NIPA1: variants seen among roughly 807,000 people sequenced by gnomAD.
NIPA1 encodes the protein NIPA magnesium transporter 1, also known as magnesium transporter NIPA1.
In NIPA1, 13 loss-of-function variants were observed where a neutral mutation model predicts 23.9. That is an observed-to-expected ratio of 0.54 (90% CI 0.35 to 0.87). The LOEUF (loss-of-function observed/expected upper bound fraction) is 0.87, where lower values mean the gene tolerates loss of function less well. Ranked by LOEUF, NIPA1 falls within the 40% of genes least tolerant of loss-of-function variation. The probability of loss-of-function intolerance (pLI) is 0.01; values close to 1 mark genes in which losing one functional copy is unlikely to be tolerated. For missense variants in NIPA1, 362 were observed against 429.7 expected (o/e 0.84, Z 1.39); for synonymous variants, 234 against 202.9 (o/e 1.15, Z -1.30).
At chr15:22,796,727 A>G (rs1437193803) in intron 1 of NIPA1, among the ~76,000 whole-genome samples, 1 of 152,208 alleles carries the variant, frequency 6.6e-6, no homozygotes, top group East Asian at 1.9e-4. Context: ...CTCTGCAGCC[A>G]GGAGCCTGTG....
intron 3 of NIPA1, among the ~76,000 whole-genome samples, chr15:22,813,405 A>G (rs73414712): frequency 0.014 from 2,104 of 152,212 alleles, 46 homozygotes; most frequent in African/African-American, 0.048. Context: ...AAAGGGGGGA[A>G]ATGGGAACTG....
chr15:22,790,189 A>G (rs1409803340), intron 1 of NIPA1, among the ~76,000 whole-genome samples: 1 of 152,178 alleles, frequency 6.6e-6, no homozygotes, highest in South Asian at 2.1e-4. Context: ...AGAGGCCTTC[A>G]TTAATTTCAT....
rs1011682468 is a variant in NIPA1 at position 22,798,566 on chromosome 15, C to T, written c.178+11732C>T. ...TCCTAAAAATCTTAAAAAAAAAAAC[C>T]GGCAGGGTGCACTGGCTCATGTCTG... On this transcript the variant is annotated intron_variant, in intron 1 of 4. Transcript: ENST00000337435. Among the ~76,000 whole-genome samples, 9 of 148,214 alleles carry T rather than the reference C, an allele frequency of 6.1e-5. No individual in the cohort carries two copies. The East Asian group carries it at 8.3e-4, about 14-fold the overall frequency.
chr15:22,809,366 G>A (rs990297134), intron 1 of NIPA1, among the ~76,000 whole-genome samples: 4 of 151,982 alleles, frequency 2.6e-5, no homozygotes, highest in Admixed American at 2.0e-4. Context: ...CAGCCTCAGC[G>A]ACAGAGTGAT....
intron 1 of NIPA1, among the ~76,000 whole-genome samples, chr15:22,796,794 G>A (rs1483063208): frequency 3.3e-5 from 5 of 152,134 alleles, no homozygotes; most frequent in South Asian, 2.1e-4. Context: ...CCATGTCCCC[G>A]ACCCATGCAG....
At chr15:22,807,240 A>G (rs1246391068) in intron 1 of NIPA1, among the ~76,000 whole-genome samples, 1 of 152,198 alleles carries the variant, frequency 6.6e-6, no homozygotes, top group Admixed American at 6.5e-5. Flanking sequence ...AACTGCCAAA[A>G]ACATATACTA....
chr15:22,786,801 C>T lies in NIPA1; in HGVS notation c.145C>T (p.Gln49Ter). The T allele has an allele frequency of 7.7e-7, 1 of 1,297,500 alleles. No individual in the cohort carries two copies. Among genetic ancestry groups the T allele is most frequent in the Admixed American group, 2.3e-5 (1 of 43,772 alleles). 80.4% of individuals were successfully genotyped at this position (1,297,500 alleles called of 1,614,324 possible). A position where few individuals can be genotyped will look rare whatever the true frequency, so the allele number is the denominator to read the frequency against. Residue 49 changes from glutamine to a stop codon, truncating the protein, a stop_gained, in exon 1 of 5, where the codon CAG (glutamine) becomes TAG (stop). Transcript: ENST00000337435. LOFTEE classifies it high-confidence loss of function. The part of the protein sequence containing the change: ...SLVNGSTFVL[Q>*]KKGIVRAKRR... ...GGTGAACGGGTCCACGTTCGTGCTA[C>T]AGAAGAAGGGCATCGTGCGTGCCAA... is the stretch of plus-strand genomic sequence containing the variant.
intron 3 of NIPA1, 91 bp from the exon 4 acceptor site, chr15:22,820,222 A>C (rs564582234): frequency 1.0e-6 from 1 of 971,288 alleles, no homozygotes; most frequent in East Asian, 2.4e-5. Flanking sequence ...GAAGAAAAAG[A>C]AAATGGTTTT....
intron 1 of NIPA1, among the ~76,000 whole-genome samples, chr15:22,788,976 A>G (rs192998935): frequency 6.8e-6 from 1 of 146,658 alleles, no homozygotes; most frequent in Non-Finnish European, 1.5e-5. Flanking sequence ...CTATGCTTTC[A>G]TTCATTTATT....
At chr15:22,800,683 C>T (rs1895056934) in intron 1 of NIPA1, among the ~76,000 whole-genome samples, 1 of 151,982 alleles carries the variant, frequency 6.6e-6, no homozygotes, top group African/African-American at 2.4e-5. Flanking sequence ...AATCCCAGCA[C>T]TTTGGGAGGC....
At chr15:22,819,019 G>T (rs556361233) in intron 3 of NIPA1, among the ~76,000 whole-genome samples, 30 of 152,136 alleles carry the variant, frequency 2.0e-4, no homozygotes, top group African/African-American at 6.5e-4. Context: ...GCAGCTACTC[G>T]GTGGAGCTTC....
intron 1 of NIPA1, among the ~76,000 whole-genome samples, chr15:22,792,997 G>A (rs1415608263): frequency 2.6e-5 from 4 of 152,098 alleles, no homozygotes; most frequent in Non-Finnish European, 5.9e-5. Context: ...GGGAGGCACA[G>A]GTTACAGTGG....
In NIPA1 at chr15:22,820,347, C is replaced by T; in HGVS notation, c.352C>T (p.Leu118Phe). ...AGCTTCCTATCTCCTGAAGGAAAAG[C>T]TCAACATCTTGGGCAAGTTGGGGTG... ...ILASYLLKEK[L>F]NILGKLGCLL... Residue 118 changes from leucine (L) to phenylalanine (F), a missense_variant, in exon 4 of 5, where the codon CTC becomes TTC. Around this residue, in one of 2 missense-constraint regions of NIPA1, gnomAD observed 277 missense variants for 372.0 expected, o/e 0.74. Coordinates refer to ENST00000337435, the MANE Select transcript of NIPA1 (RefSeq NM_144599.5). The T allele has an allele frequency of 6.2e-7, 1 of 1,612,922 alleles. No individual in the cohort carries two copies. Among genetic ancestry groups the T allele is most frequent in the East Asian group, 2.2e-5 (1 of 44,892 alleles).
chr15:22,803,333 A>AGT (rs201609874), intron 1 of NIPA1, among the ~76,000 whole-genome samples: 1 of 151,734 alleles, frequency 6.6e-6, no homozygotes, highest in East Asian at 1.9e-4. Flanking sequence ...GACTGGTAAG[A>AGT]GTGTGTGTGT....
intron 4 of NIPA1, among the ~76,000 whole-genome samples, chr15:22,820,966 ATTTCT>A (rs1265003651): frequency 1.4e-5 from 2 of 145,642 alleles, no homozygotes; most frequent in Non-Finnish European, 3.0e-5. Context: ...TTTTGACATA[ATTTCT>A]TTTCTTTTCT....
intron 1 of NIPA1, among the ~76,000 whole-genome samples, chr15:22,797,216 GTT>G (rs35902995): frequency 1.5e-4 from 21 of 143,256 alleles, no homozygotes; most frequent in East Asian, 8.3e-4. Context: ...ATATATTTGG[GTT>G]TTTTTTTTTT....
At chr15:22,809,737 T>C (rs1895281638) in intron 1 of NIPA1, among the ~76,000 whole-genome samples, 1 of 124,930 alleles carries the variant, frequency 8.0e-6, no homozygotes, top group East Asian at 2.6e-4. Flanking sequence ...AGAGTGAGAC[T>C]CTGTCTGAAA....
At chr15:22,823,068 GCCA>G (rs1469454778) in intron 4 of NIPA1, among the ~76,000 whole-genome samples, 1 of 146,128 alleles carries the variant, frequency 6.8e-6, no homozygotes, top group Non-Finnish European at 1.5e-5. Context: ...ACTGGTGCAT[GCCA>G]CCACGCCTAG....
chr15:22,806,137 A>C (rs1895206459), intron 1 of NIPA1, among the ~76,000 whole-genome samples: 1 of 152,118 alleles, frequency 6.6e-6, no homozygotes, highest in Non-Finnish European at 1.5e-5. Flanking sequence ...GTTAGCCAGG[A>C]TGGTCTTGAT....
Sources: allele counts gnomAD v4.1 joint callset (sites outside exome capture counted in the v4.1 genomes callset), GRCh38; gene constraint gnomAD v4.1.1; regional missense constraint gnomAD v4.1.1; transcripts MANE v1.5; gene names NCBI Gene and HGNC (gene_info 2026-07-23, HGNC 2026-07-21).